RGS10: variants seen among roughly 807,000 people sequenced by gnomAD.
RGS10 encodes the protein regulator of G-protein signalling 10.
RGS10 carries 11 observed loss-of-function variants against 23.5 expected under a neutral mutation model. The observed-to-expected ratio is 0.47, with a 90% CI of 0.29 to 0.77. RGS10 has a LOEUF of 0.77. Ranked by LOEUF, RGS10 falls within the 30% of genes least tolerant of loss-of-function variation. The pLI, the probability that RGS10 is intolerant of heterozygous loss-of-function variation, is 0.08. For synonymous variants in RGS10, 77 were observed against 83.2 expected (o/e 0.92, Z 0.41); for missense variants, 180 against 226.3 (o/e 0.80, Z 1.31).
intron 1 of RGS10, among the ~76,000 whole-genome samples, chr10:119,530,370 A>G (rs1485654999): frequency 3.9e-5 from 6 of 152,182 alleles, no homozygotes; most frequent in African/African-American, 1.4e-4. Context: ...GATTTTAGAC[A>G]TTCACCAGAT....
intron 4 of RGS10, among the ~76,000 whole-genome samples, chr10:119,512,427 G>A (rs1001523760): frequency 1.3e-5 from 2 of 152,146 alleles, no homozygotes; most frequent in South Asian, 2.1e-4. Flanking sequence ...AAAGCAAAAC[G>A]GAACACAGGG....
At chr10:119,512,654 T>G (rs1844091973) in intron 4 of RGS10, among the ~76,000 whole-genome samples, 1 of 152,094 alleles carries the variant, frequency 6.6e-6, no homozygotes. Context: ...CTTAAGCAGT[T>G]CTCCTGCCTC....
intron 1 of RGS10, among the ~76,000 whole-genome samples, chr10:119,531,411 C>T (rs1381209082): frequency 6.6e-6 from 1 of 152,204 alleles, no homozygotes; most frequent in Non-Finnish European, 1.5e-5. Context: ...TGGGTTTTCA[C>T]TGCCACGCTG....
Position 119,542,687 on chromosome 10 carries a change from G to C in RGS10, c.-49C>G, listed in dbSNP as rs896309233. ...GAAGGAGCAGCCCGGCGGCGCGGCG[G>C]CTGAGCCGGAGGAAGGCGAGGAGGA... On this transcript the variant is annotated 5_prime_UTR_variant, in exon 1 of 5. Transcript: ENST00000369103. 2 of 1,329,018 alleles carry C rather than the reference G, an allele frequency of 1.5e-6. No homozygotes were observed. The highest frequency in any genetic ancestry group is 3.1e-5 in the African/African-American group (2 of 65,180). The allele number at this position is 1,329,018 out of a possible 1,614,324, so 82.3% of individuals were successfully genotyped here. A position where few individuals can be genotyped will look rare whatever the true frequency, so the allele number is the denominator to read the frequency against.
chr10:119,500,355 G>T, intron 4 of RGS10, 96 bp from the exon 5 acceptor site: 1 of 1,124,220 alleles, frequency 8.9e-7, no homozygotes, highest in East Asian at 2.5e-5. Flanking sequence ...ATGTGCCAAA[G>T]AATACTAACA....
intron 4 of RGS10, among the ~76,000 whole-genome samples, chr10:119,510,295 C>G (rs915220134): frequency 2.2e-4 from 34 of 152,110 alleles, no homozygotes; most frequent in African/African-American, 6.0e-4. Flanking sequence ...TTCACCACCC[C>G]CTCATGTGCT....
chr10:119,516,582 T>G (rs1352703717), intron 3 of RGS10: 1 of 152,118 alleles, frequency 6.6e-6, no homozygotes, highest in Non-Finnish European at 1.5e-5. Context: ...TGCATTTCCT[T>G]TTAGCTAACG....
At chr10:119,537,738 A>C (rs903305023) in intron 1 of RGS10, among the ~76,000 whole-genome samples, 1 of 152,208 alleles carries the variant, frequency 6.6e-6, no homozygotes, top group Non-Finnish European at 1.5e-5. Flanking sequence ...GGTTTTCTTC[A>C]CTAGTCCACA....
rs1378005795 is a variant in RGS10 at position 119,515,535 on chromosome 10, G to A, written c.373C>T (p.Leu125=). Residue 125 remains leucine (L), a synonymous_variant, in exon 4 of 5, where the codon CTG becomes TTG. Coordinates refer to ENST00000369103, the MANE Select transcript of RGS10 (RefSeq NM_001005339.2). ...NEKILEEPHP[L]MFQKLQDQIF... is the part of the protein sequence containing the mutation. ...TGGTCCTGGAGTTTCTGGAACATCA[G>A]AGGGTGCGGTTCTTCCAGGATCTTC... The A allele has an allele frequency of 3.1e-6, 5 of 1,614,098 alleles. No individual in the cohort carries two copies. The highest frequency in any genetic ancestry group is 4.2e-6 in the Non-Finnish European group (5 of 1,180,046).
intron 1 of RGS10, 57 bp downstream of exon 1, chr10:119,542,533 C>T: frequency 7.4e-7 from 1 of 1,348,446 alleles, no homozygotes; most frequent in Non-Finnish European, 9.5e-7. Flanking sequence ...GGGCAGGAGG[C>T]CGGGCGGGCG....
At chr10:119,519,082 G>A (rs1273230599) in intron 3 of RGS10, among the ~76,000 whole-genome samples, 3 of 152,124 alleles carry the variant, frequency 2.0e-5, no homozygotes, top group East Asian at 1.9e-4. Flanking sequence ...CATTCCTCAC[G>A]CTACACACAG....
At chr10:119,536,403 G>C in intron 1 of RGS10, 3 of 1,522,606 alleles carry the variant, frequency 2.0e-6, no homozygotes, top group Non-Finnish European at 2.7e-6. Context: ...CCCCTGCCCC[G>C]CCCAGGGCCA....
intron 2 of RGS10, 49 bp from the exon 3 acceptor site, chr10:119,526,167 A>T (rs753452542): frequency 2.0e-6 from 2 of 983,690 alleles, no homozygotes; most frequent in Admixed American, 2.6e-5. Flanking sequence ...TTTAAAAAAA[A>T]AATAAAACAA....
chr10:119,517,343 G>T lies in RGS10; in HGVS notation c.256-1691C>A, dbSNP rs542557779. ...TGTCTTCACTGTCAATAGGAGCAAT[G>T]AATCGATGCCAGACTCAGTGACACA... On this transcript the variant is annotated intron_variant, in intron 3 of 4. Coordinates refer to ENST00000369103, the MANE Select transcript of RGS10 (RefSeq NM_001005339.2). The surrounding 1 kb of genome is among the most constrained non-coding windows in gnomAD (Gnocchi z 5.0). 1.1e-4 allele frequency among the ~76,000 whole-genome samples: 17 copies of T among 152,210 alleles called. No homozygotes were observed. The highest frequency in any genetic ancestry group is 2.2e-4 in the Non-Finnish European group (15 of 68,048).
chr10:119,536,814 T>A (rs1443490981), intron 1 of RGS10, among the ~76,000 whole-genome samples: 1 of 152,142 alleles, frequency 6.6e-6, no homozygotes, highest in East Asian at 1.9e-4. Context: ...AGCCCCTGTG[T>A]GTCCTCTGGG....
intron 4 of RGS10, among the ~76,000 whole-genome samples, chr10:119,504,294 A>G (rs555699893): frequency 6.6e-6 from 1 of 152,230 alleles, no homozygotes; most frequent in South Asian, 2.1e-4. Flanking sequence ...GGTTCAAGCG[A>G]TTCTCCTGCT....
In RGS10 at chr10:119,517,318, T is replaced by C. The variant is rs972338590; in HGVS notation, c.256-1666A>G. Among the ~76,000 whole-genome samples, 24 of 95,200 alleles carry C rather than the reference T, an allele frequency of 2.5e-4. No individual in the cohort carries two copies. Among genetic ancestry groups the C allele is most frequent in the African/African-American group, 6.4e-4 (22 of 34,498 alleles). The allele number at this position is 95,200 out of a possible 152,430, so 62.5% of individuals were successfully genotyped here. A position where few individuals can be genotyped will look rare whatever the true frequency, so the allele number is the denominator to read the frequency against. ...ACACCGAAAGCCATGCTGTCCACCCTGTCTTCACTGTCAATAGGAGCAATG... is the reference window on the plus strand; with the variant it reads ...ACACCGAAAGCCATGCTGTCCACCCCGTCTTCACTGTCAATAGGAGCAATG... On this transcript the variant is annotated intron_variant, in intron 3 of 4. Transcript: ENST00000369103. This position sits in a 1 kb window ranked among gnomAD's most constrained non-coding sequence, Gnocchi z 5.0.
intron 4 of RGS10, 75 bp downstream of exon 4, chr10:119,515,434 G>A (rs1323916050): frequency 1.0e-5 from 16 of 1,566,812 alleles, no homozygotes; most frequent in African/African-American, 6.8e-5. Flanking sequence ...AACATCGGGT[G>A]TTTCAGTAAA....
chr10:119,503,304 C>G (rs1240936574), intron 4 of RGS10, among the ~76,000 whole-genome samples: 1 of 150,382 alleles, frequency 6.6e-6, no homozygotes, highest in South Asian at 2.1e-4. Flanking sequence ...CACGCCACTG[C>G]ACTCCATCCT....
Sources: gnomAD v4.1 joint callset for allele counts (sites outside exome capture counted in the v4.1 genomes callset) on GRCh38, gnomAD v4.1.1 for gene constraint, Gnocchi (gnomAD v3.1) non-coding constraint, MANE v1.5 for transcripts, NCBI Gene and HGNC (gene_info 2026-07-23, HGNC 2026-07-21) for gene names.